CNTN3: variants seen among roughly 807,000 people sequenced by gnomAD.
The protein encoded by CNTN3 is contactin-3.
In CNTN3, 60 loss-of-function variants were observed where a neutral mutation model predicts 119.1. The observed-to-expected ratio is 0.50, with a 90% CI of 0.41 to 0.62. The LOEUF (loss-of-function observed/expected upper bound fraction) is 0.62. CNTN3 is among the 20% of genes least tolerant of loss of function. The probability of loss-of-function intolerance (pLI) is 0.00; values close to 1 mark genes in which losing one functional copy is unlikely to be tolerated. For synonymous variants in CNTN3, 450 were observed against 438.7 expected (o/e 1.03, Z -0.32); for missense variants, 1,101 against 1,242.4 (o/e 0.89, Z 1.71).
At chr3:74,430,978 A>G (rs1701774445) in intron 4 of CNTN3, among the ~76,000 whole-genome samples, 1 of 152,130 alleles carries the variant, frequency 6.6e-6, no homozygotes, top group Admixed American at 6.6e-5. Flanking sequence ...TCCAGCCACA[A>G]CATGGGGCCA....
intron 5 of CNTN3, among the ~76,000 whole-genome samples, chr3:74,381,607 A>G (rs773644681): frequency 6.6e-6 from 1 of 152,190 alleles, no homozygotes; most frequent in Non-Finnish European, 1.5e-5. Context: ...TACCTCAGTA[A>G]TAAATATATA....
At chr3:74,390,853 A>G (rs1349276791) in intron 5 of CNTN3, among the ~76,000 whole-genome samples, 1 of 152,220 alleles carries the variant, frequency 6.6e-6, no homozygotes, top group Non-Finnish European at 1.5e-5. Context: ...GAATTATGAT[A>G]CAGAGGTTAA....
intron 13 of CNTN3, among the ~76,000 whole-genome samples, chr3:74,310,369 T>TC (rs1358284863): frequency 6.6e-6 from 1 of 152,214 alleles, no homozygotes; most frequent in African/African-American, 2.4e-5. Context: ...ATTATCATTT[T>TC]TTTTTCTGTT....
intron 4 of CNTN3, among the ~76,000 whole-genome samples, chr3:74,440,882 T>A (rs894247130): frequency 2.0e-5 from 3 of 152,182 alleles, no homozygotes; most frequent in Admixed American, 6.5e-5. Flanking sequence ...TGCTTTAAAG[T>A]ATACAGGATG....
intron 5 of CNTN3, among the ~76,000 whole-genome samples, chr3:74,378,180 A>C (rs1704525088): frequency 6.6e-6 from 1 of 152,204 alleles, no homozygotes. Context: ...CTTACAAATC[A>C]CACCACTTTG....
chr3:74,351,575 C>T (rs1455405695), intron 11 of CNTN3, among the ~76,000 whole-genome samples: 7 of 152,188 alleles, frequency 4.6e-5, no homozygotes, highest in South Asian at 2.1e-4. Context: ...GCAAGTAAAA[C>T]GTATGTTTAA....
In CNTN3 at chr3:74,460,864, A is replaced by G. The variant is rs181723453; in HGVS notation, c.358+25592T>C. Among the ~76,000 whole-genome samples the G allele has an allele frequency of 2.4e-3, 337 of 142,010 alleles. 3 individuals carry two copies. Among genetic ancestry groups the G allele is most frequent in the African/African-American group, 7.0e-3 (266 of 38,162 alleles). 93.2% of individuals were successfully genotyped at this position (142,010 alleles called of 152,430 possible). A position where few individuals can be genotyped will look rare whatever the true frequency, so the allele number is the denominator to read the frequency against. On this transcript the variant is annotated intron_variant, in intron 4 of 22. Coordinates refer to ENST00000263665, the MANE Select transcript of CNTN3 (RefSeq NM_020872.3). ...TTTTTTGCCTTATTGCAGTGCCTAGAATTTCCAGTACTATCTTGAAGAAGA... is the reference window on the plus strand; with the variant it reads ...TTTTTTGCCTTATTGCAGTGCCTAGGATTTCCAGTACTATCTTGAAGAAGA...
chr3:74,505,717 A>G (rs1266305181), intron 2 of CNTN3, among the ~76,000 whole-genome samples: 1 of 152,134 alleles, frequency 6.6e-6, no homozygotes, highest in Non-Finnish European at 1.5e-5. Context: ...GTAATATAAT[A>G]CACTTCAGAT....
chr3:74,457,962 C>T (rs551901407), intron 4 of CNTN3, among the ~76,000 whole-genome samples: 1 of 151,556 alleles, frequency 6.6e-6, no homozygotes, highest in Non-Finnish European at 1.5e-5. Context: ...ATGAGTTTAC[C>T]CTGGCTTGAC....
intron 19 of CNTN3, among the ~76,000 whole-genome samples, chr3:74,287,031 T>C (rs142202432): frequency 3.5e-4 from 53 of 152,340 alleles, no homozygotes; most frequent in Admixed American, 1.7e-3. Flanking sequence ...CTGTACATAC[T>C]AACCATTAAC....
chr3:74,561,092 G>A (rs1704146500), intron 1 of CNTN3, among the ~76,000 whole-genome samples: 2 of 150,912 alleles, frequency 1.3e-5, no homozygotes, highest in Admixed American at 1.3e-4. Context: ...GAGTTAATGG[G>A]TGCAGCACGC....
intron 11 of CNTN3, among the ~76,000 whole-genome samples, chr3:74,350,509 T>C (rs1703788493): frequency 6.6e-6 from 1 of 152,130 alleles, no homozygotes; most frequent in South Asian, 2.1e-4. Flanking sequence ...GAGAACAGCA[T>C]GGAGATTTTT....
At chr3:74,605,627 C>G (rs1704979498) in intron 1 of CNTN3, among the ~76,000 whole-genome samples, 1 of 152,098 alleles carries the variant, frequency 6.6e-6, no homozygotes, top group Non-Finnish European at 1.5e-5. Context: ...TGGCCTCACT[C>G]ACATCACTGG....
In CNTN3 at chr3:74,419,138, A is replaced by G. The variant is rs116300412; in HGVS notation, c.454+5707T>C. ...TTTATTACCTGCAGAACAGTAGCAA[A>G]GTGTTGTTCAAGGAAAACTGTGTGC... On this transcript the variant is annotated intron_variant, in intron 5 of 22. Coordinates refer to ENST00000263665, the MANE Select transcript of CNTN3 (RefSeq NM_020872.3). Among the ~76,000 whole-genome samples the G allele has an allele frequency of 4.4e-3, 674 of 152,262 alleles. 4 individuals are homozygous for G. Among genetic ancestry groups the G allele is most frequent in the Non-Finnish European group, 5.2e-3 (353 of 68,004 alleles).
At chr3:74,537,596 TC>T (rs1386010379) in intron 1 of CNTN3, among the ~76,000 whole-genome samples, 1 of 152,130 alleles carries the variant, frequency 6.6e-6, no homozygotes, top group Non-Finnish European at 1.5e-5. Context: ...GGTTTTATTT[TC>T]CCTGAAATCT....
intron 1 of CNTN3, among the ~76,000 whole-genome samples, chr3:74,552,898 C>G (rs1322091359): frequency 6.6e-6 from 1 of 152,170 alleles, no homozygotes; most frequent in Admixed American, 6.5e-5. Flanking sequence ...CTGAGTCCCC[C>G]CAGGCCATGC....
intron 5 of CNTN3, among the ~76,000 whole-genome samples, chr3:74,376,055 G>A (rs1704468030): frequency 6.6e-6 from 1 of 152,120 alleles, no homozygotes; most frequent in African/African-American, 2.4e-5. Context: ...ATCACTTGCT[G>A]GTGGCCAAGA....
At chr3:74,483,528 G>T (rs1702800005) in intron 4 of CNTN3, among the ~76,000 whole-genome samples, 1 of 152,060 alleles carries the variant, frequency 6.6e-6, no homozygotes, top group Admixed American at 6.6e-5. Flanking sequence ...CAACCTGGGG[G>T]GATAAGGTAA....
chr3:74,435,495 C>T (rs1012773773), intron 4 of CNTN3, among the ~76,000 whole-genome samples: 1 of 152,066 alleles, frequency 6.6e-6, no homozygotes, highest in Non-Finnish European at 1.5e-5. Flanking sequence ...TTTTGTAATG[C>T]AGATTCAGCT....
Sources: allele counts gnomAD v4.1 joint callset (sites outside exome capture counted in the v4.1 genomes callset), GRCh38; gene constraint gnomAD v4.1.1; transcripts MANE v1.5; gene names NCBI Gene and HGNC (gene_info 2026-07-23, HGNC 2026-07-21).